CROT: variants seen among roughly 807,000 people sequenced by gnomAD.
The protein encoded by CROT is peroxisomal carnitine O-octanoyltransferase.
A neutral mutation model predicts 89.2 loss-of-function variants in CROT; 84 were observed. That is an observed-to-expected ratio of 0.94 (90% CI 0.79 to 1.13). The LOEUF is 1.13. CROT is among the 50% of genes most tolerant of loss of function. The pLI, the probability that CROT is intolerant of heterozygous loss-of-function variation, is 0.00. For synonymous variants in CROT, 212 were observed against 239.5 expected (o/e 0.89, Z 1.06); for missense variants, 711 against 727.8 (o/e 0.98, Z 0.27).
In CROT at chr7:87,398,877, T is replaced by C. The variant is rs1807647607; in HGVS notation, c.*233T>C. 6.0e-6 allele frequency: 3 copies of C among 498,092 alleles called. No homozygotes were observed. Among genetic ancestry groups the C allele is most frequent in the East Asian group, 7.4e-5 (2 of 27,088 alleles). 30.9% of individuals were successfully genotyped at this position (498,092 alleles called of 1,614,324 possible). ...TGCAGCAGCAATGCAAATTATGACA[T>C]AGTGAATATAGAACTATGCAGTATT... is the stretch of plus-strand genomic sequence containing the variant. On this transcript the variant is annotated 3_prime_UTR_variant, in exon 18 of 18. Coordinates refer to ENST00000331536, the MANE Select transcript of CROT (RefSeq NM_021151.4).
chr7:87,362,687 G>A (rs1806322517), intron 6 of CROT, among the ~76,000 whole-genome samples: 1 of 151,774 alleles, frequency 6.6e-6, no homozygotes. Context: ...TCTGCTTGGT[G>A]TCCTAGCTTA....
chr7:87,390,380 G>A (rs1411420437), intron 13 of CROT, among the ~76,000 whole-genome samples: 2 of 152,110 alleles, frequency 1.3e-5, no homozygotes, highest in Non-Finnish European at 2.9e-5. Context: ...TGAGGTTACA[G>A]TGGTAATATT....
At position 87,361,762 on chromosome 7, in the gene CROT, C is replaced by A. The variant is rs766875656; in HGVS notation, c.457C>A (p.Pro153Thr). Reference sequence around the variant, plus strand: ...GCCTGTTCATAAAGTTGGAAATACTCCTCTAGATATGAATCAATTCCGAAT... The same window carrying A: ...GCCTGTTCATAAAGTTGGAAATACTACTCTAGATATGAATCAATTCCGAAT... ...KVPVHKVGNT[P>T]LDMNQFRMLF... Residue 153 changes from proline (P) to threonine (T), a missense_variant, in exon 6 of 18, where the codon CCT (proline) becomes ACT (threonine). Coordinates refer to ENST00000331536, the MANE Select transcript of CROT (RefSeq NM_021151.4). 2 of 1,605,636 alleles carry A rather than the reference C, an allele frequency of 1.2e-6. No individual in the cohort carries two copies. Among genetic ancestry groups the A allele is most frequent in the Non-Finnish European group, 8.5e-7 (1 of 1,176,516 alleles).
intron 3 of CROT, among the ~76,000 whole-genome samples, chr7:87,352,295 T>C (rs563807273): frequency 8.3e-4 from 126 of 152,342 alleles, no homozygotes; most frequent in Middle Eastern, 6.8e-3. Flanking sequence ...TTGTCCAGTA[T>C]TGATGTCAGG....
intron 3 of CROT, among the ~76,000 whole-genome samples, chr7:87,351,461 A>G (rs1048548120): frequency 6.6e-6 from 1 of 151,854 alleles, no homozygotes; most frequent in Non-Finnish European, 1.5e-5. Flanking sequence ...CGTACCCAAC[A>G]GTTTTTCTGG....
At chr7:87,348,323 C>T (rs2115778254) in intron 2 of CROT, among the ~76,000 whole-genome samples, 1 of 152,258 alleles carries the variant, frequency 6.6e-6, no homozygotes, top group Non-Finnish European at 1.5e-5. Flanking sequence ...GCAATTAATA[C>T]ACGTGTCAAT....
intron 7 of CROT, among the ~76,000 whole-genome samples, chr7:87,373,616 A>T (rs899849331): frequency 2.6e-5 from 4 of 152,146 alleles, no homozygotes; most frequent in African/African-American, 9.7e-5. Context: ...CAGGAATCGA[A>T]GTAGAGATAT....
At chr7:87,389,422 A>G (rs1278358667) in intron 13 of CROT, among the ~76,000 whole-genome samples, 1 of 152,188 alleles carries the variant, frequency 6.6e-6, no homozygotes, top group African/African-American at 2.4e-5. Context: ...GCACATATAC[A>G]CCATGGAATA....
chr7:87,389,896 G>A lies in CROT; in HGVS notation c.1302-1693G>A, dbSNP rs31641. The stretch of plus-strand genomic sequence containing the variant: ...ATAGCTGGCATTGGAAATTTCACGC[G>A]GTATTTTTTTTTTATATAGAAGATA... On this transcript the variant is annotated intron_variant, in intron 13 of 17. Coordinates refer to ENST00000331536, the MANE Select transcript of CROT (RefSeq NM_021151.4). Among the ~76,000 whole-genome samples, 1,311 of 151,940 alleles carry A rather than the reference G, an allele frequency of 8.6e-3. 32 individuals are homozygous for A. The highest frequency in any genetic ancestry group is 0.03 in the African/African-American group (1,237 of 41,440).
Position 87,371,994 on chromosome 7 carries a change from AAAAAAAAAAAAAC to A in CROT, c.656+2523_656+2535del, listed in dbSNP as rs1231054439. Among the ~76,000 whole-genome samples the A allele has an allele frequency of 6.8e-5, 7 of 102,392 alleles. 1 individual carries two copies. The highest frequency in any genetic ancestry group is 3.5e-4 in the South Asian group (1 of 2,876). The allele number at this position is 102,392 out of a possible 152,430, so 67.2% of individuals were successfully genotyped here. The stretch of plus-strand genomic sequence containing the variant: ...GGGTGACAGAGCAAGACGCTGTCTC[AAAAAAAAAAAAAC>A]AAAAAAAAAAAAACAAAAAAAAGCT... On this transcript the variant is annotated intron_variant, in intron 7 of 17. Coordinates refer to ENST00000331536, the MANE Select transcript of CROT (RefSeq NM_021151.4).
At position 87,377,453 on chromosome 7, in the gene CROT, AAGTAAACTACTG is replaced by A; in HGVS notation, c.978+5_978+16del. 1 of 1,532,700 alleles carries A rather than the reference AAGTAAACTACTG, an allele frequency of 6.5e-7. No homozygotes were observed. The highest frequency in any genetic ancestry group is 2.3e-5 in the East Asian group (1 of 44,324). The allele number at this position is 1,532,700 out of a possible 1,614,324, so 94.9% of individuals were successfully genotyped here. A position where few individuals can be genotyped will look rare whatever the true frequency, so the allele number is the denominator to read the frequency against. ...GAGTATTTGGCTGTAATTGTGATGT[AAGTAAACTACTG>A]AAATTTTTCTCTTTTGATCTTTTAG... On this transcript the variant is annotated splice_donor_5th_base_variant and intron_variant, in intron 10 of 17. Coordinates refer to ENST00000331536, the MANE Select transcript of CROT (RefSeq NM_021151.4).
chr7:87,375,757 T>C, intron 8 of CROT, 32 bp downstream of exon 8: 1 of 1,612,554 alleles, frequency 6.2e-7, no homozygotes, highest in Non-Finnish European at 8.5e-7. Flanking sequence ...AACGAAGCTT[T>C]TCTCTAACAA....
At position 87,398,880 on chromosome 7, in the gene CROT, T is replaced by C. The variant is rs1411888486; in HGVS notation, c.*236T>C. 2 of 496,774 alleles carry C rather than the reference T, an allele frequency of 4.0e-6. No homozygotes were observed. The highest frequency in any genetic ancestry group is 7.2e-6 in the Non-Finnish European group (2 of 276,512). The allele number at this position is 496,774 out of a possible 1,614,324, so 30.8% of individuals were successfully genotyped here. ...AGCAGCAATGCAAATTATGACATAG[T>C]GAATATAGAACTATGCAGTATTTAA... On this transcript the variant is annotated 3_prime_UTR_variant, in exon 18 of 18. Transcript: ENST00000331536.
chr7:87,365,070 A>G lies in CROT; in HGVS notation c.547+3218A>G, dbSNP rs117427104. Among the ~76,000 whole-genome samples, 969 of 152,304 alleles carry G rather than the reference A, an allele frequency of 6.4e-3. 3 individuals are homozygous for G. Among genetic ancestry groups the G allele is most frequent in the Admixed American group, 0.012 (176 of 15,298 alleles). On this transcript the variant is annotated intron_variant, in intron 6 of 17. Coordinates refer to ENST00000331536, the MANE Select transcript of CROT (RefSeq NM_021151.4). ...TGCATTTAAAATTAGACGAGATGAC[A>G]TGCTGTGTTTTTTTCTTCAGCATCA... is the stretch of plus-strand genomic sequence containing the variant.
chr7:87,390,927 G>T (rs1174306184), intron 13 of CROT, among the ~76,000 whole-genome samples: 3 of 152,154 alleles, frequency 2.0e-5, no homozygotes, highest in Admixed American at 2.0e-4. Flanking sequence ...AATTTTGTGG[G>T]TCATTTTTTG....
chr7:87,346,869 G>T (rs977278142), intron 2 of CROT, among the ~76,000 whole-genome samples: 2 of 152,232 alleles, frequency 1.3e-5, no homozygotes, highest in Admixed American at 6.5e-5. Context: ...GGTGGGCTTA[G>T]CTGAGTACTT....
At chr7:87,360,154 T>C (rs1248990648) in intron 4 of CROT, 4 of 863,524 alleles carry the variant, frequency 4.6e-6, no homozygotes, top group African/African-American at 1.8e-5. Context: ...TTTATGTCTC[T>C]TTCTGAATTA....
chr7:87,379,604 G>T (rs989758773), intron 10 of CROT, among the ~76,000 whole-genome samples: 2 of 152,004 alleles, frequency 1.3e-5, no homozygotes, highest in African/African-American at 4.8e-5. Flanking sequence ...AAAGAATATT[G>T]GGCTCATAAT....
At chr7:87,361,651 T>C in intron 5 of CROT, 77 bp from the exon 6 acceptor site, 1 of 1,528,016 alleles carries the variant, frequency 6.5e-7, no homozygotes, top group Non-Finnish European at 8.8e-7. Context: ...ATTTACTTAT[T>C]TGGGGATGAA....
Sources: gnomAD v4.1 joint callset for allele counts (sites outside exome capture counted in the v4.1 genomes callset) on GRCh38, gnomAD v4.1.1 for gene constraint, MANE v1.5 for transcripts, NCBI Gene and HGNC (gene_info 2026-07-23, HGNC 2026-07-21) for gene names.